The following ABCC12 variants were observed in gnomAD, a reference collection of about 807,000 sequenced individuals.
ABCC12 encodes the protein ATP-binding cassette sub-family C member 12.
A neutral mutation model predicts 151.1 loss-of-function variants in ABCC12; 142 were observed. The ratio of observed to expected loss-of-function variants is 0.94; its 90% CI spans 0.82 to 1.08. The LOEUF (loss-of-function observed/expected upper bound fraction) is 1.08. ABCC12 is among the 50% of genes least tolerant of loss of function. ABCC12 has a pLI of 0.00. For synonymous variants in ABCC12, 645 were observed against 646.4 expected (o/e 1.00, Z 0.03); for missense variants, 1,638 against 1,691.1 (o/e 0.97, Z 0.55).
At position 48,115,590 on chromosome 16, in the gene ABCC12, C is replaced by G. The variant is rs780138385; in HGVS notation, c.1814G>C (p.Gly605Ala). Reference protein sequence around the residue: ...EIGERGLNLSGGQRQRISLAR... With the variant: ...EIGERGLNLSAGQRQRISLAR... ...CAGGCTAATCCTCTGCCTCTGCCCC[C>G]CAGAGAGGTTGAGGCCCCGCTCCCC... The change falls in exon 15 of 31, where the codon GGG (glycine) becomes GCG (alanine). Residue 605 changes from glycine to alanine, a missense_variant. Coordinates refer to ENST00000311303, the MANE Select transcript of ABCC12 (RefSeq NM_001393797.1). The G allele has an allele frequency of 1.1e-5, 17 of 1,613,884 alleles. No homozygotes were observed. In the African/African-American group the frequency reaches 1.5e-4, roughly 14 times the overall value.
In ABCC12 at chr16:48,133,744, G is replaced by A. The variant is rs1964512972; in HGVS notation, c.1071C>T (p.Ala357=). 6.2e-7 allele frequency: 1 copy of A among 1,614,100 alleles called. No homozygotes were observed. The highest frequency in any genetic ancestry group is 8.5e-7 in the Non-Finnish European group (1 of 1,180,004). The stretch of plus-strand genomic sequence containing the variant: ...TGTGGCAGGATAATGTCAGCACGAT[G>A]GCTATGGTGGACACGATGGGGGCCA... ...SALAPIVSTI[A]IVLTLSCHIL... The change falls in exon 9 of 31, where the codon GCC becomes GCT. Residue 357 remains alanine (A), a synonymous_variant. Coordinates refer to ENST00000311303, the MANE Select transcript of ABCC12 (RefSeq NM_001393797.1).
At chr16:48,115,266 G>T in intron 15 of ABCC12, 149 bp downstream of exon 15, 1 of 950,710 alleles carries the variant, frequency 1.1e-6, no homozygotes, top group Non-Finnish European at 1.6e-6. Context: ...GGAAGGCTGG[G>T]GAATCATGAG....
intron 15 of ABCC12, among the ~76,000 whole-genome samples, chr16:48,112,915 C>T (rs1453393912): frequency 3.9e-5 from 6 of 152,106 alleles, no homozygotes; most frequent in Admixed American, 2.0e-4. Context: ...AATTTGAATT[C>T]CCTTCATTTC....
intron 4 of ABCC12, among the ~76,000 whole-genome samples, 165 bp downstream of exon 4, chr16:48,143,745 C>G (rs781098335): frequency 3.3e-5 from 5 of 152,174 alleles, no homozygotes; most frequent in Admixed American, 3.3e-4. Context: ...GTAAGACGTG[C>G]CTTTACTCCT....
At chr16:48,139,446 T>C in intron 6 of ABCC12, 110 bp from the exon 7 acceptor site, 1 of 1,234,342 alleles carries the variant, frequency 8.1e-7, no homozygotes, top group South Asian at 1.5e-5. Context: ...GAGAAAAACT[T>C]CTCTAAAGCA....
chr16:48,131,429 C>T (rs2150656489), intron 9 of ABCC12, among the ~76,000 whole-genome samples: 1 of 152,280 alleles, frequency 6.6e-6, no homozygotes, highest in East Asian at 1.9e-4. Flanking sequence ...GACCTGGCCT[C>T]CATGCCCTGC....
At chr16:48,086,918 G>T in intron 27 of ABCC12, 99 bp from the exon 28 acceptor site, 1 of 1,011,952 alleles carries the variant, frequency 9.9e-7, no homozygotes, top group African/African-American at 1.6e-5. Context: ...AGGGTAGGAG[G>T]TGGCATGTGA....
In ABCC12 at chr16:48,083,584, C is replaced by G. The variant is rs1015824167; in HGVS notation, c.*131G>C. On this transcript the variant is annotated 3_prime_UTR_variant, in exon 31 of 31. Coordinates refer to ENST00000311303, the MANE Select transcript of ABCC12 (RefSeq NM_001393797.1). ...TATGGCAGTGGGGACAACTTCAGCC[C>G]CAGCTCACTCCGTGGATGGGAGGGG... The G allele has an allele frequency of 8.6e-5, 81 of 938,726 alleles. No homozygotes were observed. The Admixed American group carries it at 1.8e-3, about 21-fold the overall frequency. The allele number at this position is 938,726 out of a possible 1,614,324, so 58.1% of individuals were successfully genotyped here.
At chr16:48,093,838 C>T (rs542779051) in intron 24 of ABCC12, among the ~76,000 whole-genome samples, 6 of 152,228 alleles carry the variant, frequency 3.9e-5, no homozygotes, top group African/African-American at 1.2e-4. Flanking sequence ...TATTCTCCTA[C>T]GTGATGTGAT....
At chr16:48,133,103 A>AT (rs200279580) in intron 9 of ABCC12, among the ~76,000 whole-genome samples, 68 of 150,890 alleles carry the variant, frequency 4.5e-4, no homozygotes, top group South Asian at 1.5e-3. Flanking sequence ...TTTGGTTTCC[A>AT]TTTTTTTTTC....
At position 48,085,573 on chromosome 16, in the gene ABCC12, C is replaced by A. The variant is rs374391485; in HGVS notation, c.3828+20G>T. On this transcript the variant is annotated intron_variant, in intron 29 of 30. Transcript: ENST00000311303. ...GGAAATATCCAAAATTTGACCAATC[C>A]ATTTTCCGTGTTTTCTTACCTTTGA... is the stretch of plus-strand genomic sequence containing the variant. The A allele has an allele frequency of 2.1e-4, 343 of 1,608,876 alleles. No individual in the cohort carries two copies. The highest frequency in any genetic ancestry group is 2.6e-4 in the Non-Finnish European group (310 of 1,175,418).
rs1338969082 is a variant in ABCC12, at chr16:48,083,713, C to G, written c.*2G>C. Reference sequence around the variant, plus strand: ...CTCCTCTAGAATCAGCCGCCAGGACCTCTACAATCTGACTTCTGCTGCTAG... The same window carrying G: ...CTCCTCTAGAATCAGCCGCCAGGACGTCTACAATCTGACTTCTGCTGCTAG... On this transcript the variant is annotated 3_prime_UTR_variant, in exon 31 of 31. Transcript: ENST00000311303. 6.2e-7 allele frequency: 1 copy of G among 1,614,066 alleles called. No homozygotes were observed. Among genetic ancestry groups the G allele is most frequent in the Non-Finnish European group, 8.5e-7 (1 of 1,179,986 alleles).
intron 15 of ABCC12, 83 bp from the exon 16 acceptor site, chr16:48,111,993 T>G: frequency 6.6e-7 from 1 of 1,518,594 alleles, no homozygotes; most frequent in Non-Finnish European, 8.9e-7. Flanking sequence ...TAGTTACCAC[T>G]GTTGACTTTA....
chr16:48,091,597 C>T (rs1217404730), intron 24 of ABCC12, among the ~76,000 whole-genome samples: 1 of 152,190 alleles, frequency 6.6e-6, no homozygotes, highest in Non-Finnish European at 1.5e-5. Flanking sequence ...GAGCAGCCCT[C>T]CCCTAGCCCC....
rs564612921 is a variant in ABCC12 at position 48,090,233 on chromosome 16, TA to T, written c.3285+886del. ...TTCAATCAAATAATAATTTTTAACTTAAAAAAATTTTAGAGTCAGGGTCTAG... is the reference window on the plus strand; with the variant it reads ...TTCAATCAAATAATAATTTTTAACTTAAAAAATTTTAGAGTCAGGGTCTAG... On this transcript the variant is annotated intron_variant, in intron 25 of 30. Coordinates refer to ENST00000311303, the MANE Select transcript of ABCC12 (RefSeq NM_001393797.1). Among the ~76,000 whole-genome samples the T allele has an allele frequency of 2.8e-4, 43 of 152,126 alleles. 1 individual carries two copies. The East Asian group carries it at 7.9e-3, about 28-fold the overall frequency.
chr16:48,093,800 A>G (rs1962997622), intron 24 of ABCC12, among the ~76,000 whole-genome samples: 1 of 152,224 alleles, frequency 6.6e-6, no homozygotes, highest in South Asian at 2.1e-4. Context: ...ATGCCCACAA[A>G]GGCACAGTGC....
intron 10 of ABCC12, among the ~76,000 whole-genome samples, chr16:48,129,416 A>C (rs1286443599): frequency 6.6e-6 from 1 of 152,162 alleles, no homozygotes; most frequent in Non-Finnish European, 1.5e-5. Flanking sequence ...AAAGAGAATG[A>C]CAGCATTCTA....
Position 48,083,066 on chromosome 16 carries a change from G to A in ABCC12, c.*649C>T, listed in dbSNP as rs181292375. 1.3e-5 allele frequency: 2 copies of A among 152,226 alleles called. No individual in the cohort carries two copies. The highest frequency in any genetic ancestry group is 4.8e-5 in the African/African-American group (2 of 41,466). 9.4% of individuals were successfully genotyped at this position (152,226 alleles called of 1,614,324 possible). A position where few individuals can be genotyped will look rare whatever the true frequency, so the allele number is the denominator to read the frequency against. ...CGACATTTCAGGGTAATTTCCTACC[G>A]CGTTTTAACGACGAATAAAGAAGAT... is the stretch of plus-strand genomic sequence containing the variant. On this transcript the variant is annotated 3_prime_UTR_variant, in exon 31 of 31. Transcript: ENST00000311303.
At position 48,098,358 on chromosome 16, in the gene ABCC12, T is replaced by G. The variant is rs184831480; in HGVS notation, c.3039-1456A>C. 6.6e-5 allele frequency among the ~76,000 whole-genome samples: 10 copies of G among 152,204 alleles called. No individual in the cohort carries two copies. The East Asian group carries it at 1.9e-3, about 29-fold the overall frequency. On this transcript the variant is annotated intron_variant, in intron 23 of 30. Coordinates refer to ENST00000311303, the MANE Select transcript of ABCC12 (RefSeq NM_001393797.1). ...GAAAACCCTTCCACGCTTAAAGCCC[T>G]AAGGAGGTACAATTCCTCCCCTGGC...
Sources: allele counts gnomAD v4.1 joint callset (sites outside exome capture counted in the v4.1 genomes callset), GRCh38; gene constraint gnomAD v4.1.1; transcripts MANE v1.5; gene names NCBI Gene and HGNC (gene_info 2026-07-23, HGNC 2026-07-21).